OR56A3: variants seen among roughly 807,000 people sequenced by gnomAD.
OR56A3 encodes the protein olfactory receptor 56A3.
OR56A3 carries 23 observed loss-of-function variants against 17.5 expected under a neutral mutation model. The observed-to-expected ratio is 1.32, with a 90% CI of 0.95 to 1.87. The LOEUF (loss-of-function observed/expected upper bound fraction) is 1.87, where lower values mean the gene tolerates loss of function less well. OR56A3 is among the 40% of genes most tolerant of loss of function. The probability of loss-of-function intolerance (pLI) is 0.00; values close to 1 mark genes in which losing one functional copy is unlikely to be tolerated. For missense variants in OR56A3, 366 were observed against 380.1 expected, an observed-to-expected ratio of 0.96 and a Z score of 0.31; for synonymous variants, 175 against 150.6, an observed-to-expected ratio of 1.16 and a Z score of -1.19.
the OR56A3 span, among the ~76,000 whole-genome samples, chr11:5,961,167 G>C: frequency 6.6e-6 from 1 of 151,492 alleles, no homozygotes; most frequent in African/African-American, 2.4e-5. Context: ...GCCCAGTCTG[G>C]GAGGTGGGGG....
the OR56A3 span, among the ~76,000 whole-genome samples, chr11:5,995,776 G>A: frequency 6.6e-6 from 1 of 152,036 alleles, no homozygotes; most frequent in Non-Finnish European, 1.5e-5. Flanking sequence ...CATTTTTCAA[G>A]AATACAATAT....
chr11:5,954,742 G>C (rs964344747), downstream of OR56A3, among the ~76,000 whole-genome samples: 3 of 152,094 alleles, frequency 2.0e-5, no homozygotes, highest in African/African-American at 7.2e-5. Context: ...CAGAAAGTAT[G>C]AAACAATTGT....
chr11:6,002,025 A>G, the OR56A3 span: 7 of 1,522,818 alleles, frequency 4.6e-6, no homozygotes, highest in Middle Eastern at 1.8e-4. Flanking sequence ...TAACAACTCT[A>G]AAGGTGGATC....
At chr11:6,002,783 G>A in the OR56A3 span, 1 of 1,613,828 alleles carries the variant, frequency 6.2e-7, no homozygotes, top group East Asian at 2.2e-5. Context: ...TGTCCAGCAG[G>A]GAGAGGAGGC....
the OR56A3 span, chr11:6,020,232 AT>A: frequency 6.6e-6 from 1 of 152,130 alleles, no homozygotes. Context: ...GTCAAGGCAG[AT>A]TTCAAGTATA....
At chr11:5,946,346 C>G (rs897536436) in intron 2 of OR56A3, among the ~76,000 whole-genome samples, 1 of 152,126 alleles carries the variant, frequency 6.6e-6, no homozygotes, top group African/African-American at 2.4e-5. Context: ...AAAATAAGGA[C>G]AGTTTCTTAT....
the OR56A3 span, among the ~76,000 whole-genome samples, chr11:5,972,393 C>T: frequency 6.6e-6 from 1 of 152,158 alleles, no homozygotes; most frequent in African/African-American, 2.4e-5. Context: ...AGAAAGTCTC[C>T]TGTTGAGTCC....
chr11:6,001,436 T>G, the OR56A3 span: 5 of 152,352 alleles, frequency 3.3e-5, no homozygotes, highest in East Asian at 7.7e-4. Context: ...TAGAAAACGC[T>G]GCCCTCAGAG....
the OR56A3 span, chr11:5,968,499 T>A: frequency 3.2e-6 from 5 of 1,544,454 alleles, no homozygotes; most frequent in South Asian, 4.8e-5. Context: ...TGTCATGAAA[T>A]AAATCCTCAG....
chr11:6,006,592 T>C, the OR56A3 span, among the ~76,000 whole-genome samples: 1 of 152,186 alleles, frequency 6.6e-6, no homozygotes, highest in Non-Finnish European at 1.5e-5. Flanking sequence ...GGTTCATAGA[T>C]GAATGTAGGG....
chr11:5,967,970 G>A, the OR56A3 span: 2 of 1,592,274 alleles, frequency 1.3e-6, no homozygotes, highest in Non-Finnish European at 1.7e-6. Context: ...TCTTGATGAT[G>A]TGTCCTGCAC....
rs559388294 is a variant in OR56A3 at position 5,948,498 on chromosome 11, G to C, written c.*204G>C. 1.9e-6 allele frequency: 1 copy of C among 531,334 alleles called. No individual in the cohort carries two copies. Among genetic ancestry groups the C allele is most frequent in the East Asian group, 2.9e-5 (1 of 34,074 alleles). The allele number at this position is 531,334 out of a possible 1,614,324, so 32.9% of individuals were successfully genotyped here. On this transcript the variant is annotated 3_prime_UTR_variant, in exon 3 of 3. Transcript: ENST00000641160. ...TCAGAAATATTCTTGGCCCTCTCTC[G>C]TTTTATTCCATGCTTATAATCATAT...
At chr11:5,971,004 A>G in the OR56A3 span, among the ~76,000 whole-genome samples, 1 of 152,226 alleles carries the variant, frequency 6.6e-6, no homozygotes, top group South Asian at 2.1e-4. Context: ...TGATGTGGAA[A>G]TTGAGGCAAG....
the OR56A3 span, among the ~76,000 whole-genome samples, chr11:5,973,613 A>AT: frequency 2.6e-5 from 4 of 151,372 alleles, no homozygotes; most frequent in East Asian, 1.9e-4. Context: ...CAGTCAGTTG[A>AT]TTTTTTTTTC....
At chr11:5,945,784 GGAT>G (rs1372424403) in intron 2 of OR56A3, among the ~76,000 whole-genome samples, 7 of 151,950 alleles carry the variant, frequency 4.6e-5, no homozygotes, top group Admixed American at 2.0e-4. Context: ...TAACTAAATG[GGAT>G]GAAGTGCTAA....
the OR56A3 span, among the ~76,000 whole-genome samples, chr11:6,005,657 A>G: frequency 6.6e-6 from 1 of 152,234 alleles, no homozygotes; most frequent in Admixed American, 6.5e-5. Flanking sequence ...CTGGAAGCTA[A>G]GAAGTATAAG....
chr11:6,013,137 T>G, the OR56A3 span, among the ~76,000 whole-genome samples: 5 of 152,198 alleles, frequency 3.3e-5, no homozygotes, highest in Non-Finnish European at 7.4e-5. Flanking sequence ...CAGCTCTGAT[T>G]TGGGCAGCTG....
chr11:5,980,587 A>G, the OR56A3 span, among the ~76,000 whole-genome samples: 1 of 152,136 alleles, frequency 6.6e-6, no homozygotes, highest in Non-Finnish European at 1.5e-5. Flanking sequence ...TATGTGAGAC[A>G]AGGCTCTTGA....
At chr11:5,984,324 T>C in the OR56A3 span, among the ~76,000 whole-genome samples, 4 of 152,186 alleles carry the variant, frequency 2.6e-5, no homozygotes, top group Non-Finnish European at 4.4e-5. Context: ...AGGCTGTAGG[T>C]TGGTCTGTTA....
Sources: allele counts gnomAD v4.1 joint callset (sites outside exome capture counted in the v4.1 genomes callset), GRCh38; gene constraint gnomAD v4.1.1; transcripts MANE v1.5; gene names NCBI Gene and HGNC (gene_info 2026-07-23, HGNC 2026-07-21).